Variants in HSD17B12 observed in about 807,000 individuals in gnomAD.
HSD17B12 encodes hydroxysteroid 17-beta dehydrogenase 12.
HSD17B12 carries 32 observed loss-of-function variants against 39.3 expected under a neutral mutation model. That is an observed-to-expected ratio of 0.81 (90% CI 0.61 to 1.09). The LOEUF is 1.09. HSD17B12 is among the 50% of genes least tolerant of loss of function. HSD17B12 has a pLI of 0.00. For synonymous variants in HSD17B12, 150 were observed against 146.7 expected, an observed-to-expected ratio of 1.02 and a Z score of -0.16; for missense variants, 342 against 382.9, an observed-to-expected ratio of 0.89 and a Z score of 0.89.
At chr11:43,600,761 G>A in the HSD17B12 span, among the ~76,000 whole-genome samples, 1 of 151,780 alleles carries the variant, frequency 6.6e-6, no homozygotes, top group Admixed American at 6.6e-5. Flanking sequence ...GTACCTCATA[G>A]AGTTATTGGA....
intron 1 of HSD17B12, 157 bp downstream of exon 1, chr11:43,681,144 G>C: frequency 1.4e-6 from 2 of 1,416,030 alleles, no homozygotes; most frequent in Non-Finnish European, 1.8e-6. Context: ...GGCTCCCTTG[G>C]CTGTCTTCTG....
At chr11:43,693,547 A>T (rs997856824) in intron 1 of HSD17B12, among the ~76,000 whole-genome samples, 3 of 152,178 alleles carry the variant, frequency 2.0e-5, no homozygotes, top group Non-Finnish European at 4.4e-5. Context: ...AAGTTAGTTG[A>T]TCCAATATCT....
the HSD17B12 span, among the ~76,000 whole-genome samples, chr11:43,603,300 T>C: frequency 6.6e-6 from 1 of 152,198 alleles, no homozygotes; most frequent in East Asian, 1.9e-4. Flanking sequence ...AAATCTTAGT[T>C]TGGTGAATTT....
intron 3 of HSD17B12, among the ~76,000 whole-genome samples, chr11:43,755,828 G>A (rs536773850): frequency 3.7e-4 from 56 of 152,208 alleles, no homozygotes; most frequent in South Asian, 8.3e-4. Flanking sequence ...GAGTGTATTC[G>A]TCTGTTTTTC....
chr11:43,577,269 G>C, the HSD17B12 span, among the ~76,000 whole-genome samples: 1 of 152,264 alleles, frequency 6.6e-6, no homozygotes, highest in Non-Finnish European at 1.5e-5. Context: ...GCAGGAGAGG[G>C]ATACGGGGAC....
chr11:43,564,101 C>G, the HSD17B12 span, among the ~76,000 whole-genome samples: 1 of 152,092 alleles, frequency 6.6e-6, no homozygotes, highest in Non-Finnish European at 1.5e-5. Flanking sequence ...CCTGCCTTGG[C>G]CTCCCAAAGT....
the HSD17B12 span, among the ~76,000 whole-genome samples, chr11:43,607,535 C>G: frequency 3.9e-5 from 6 of 152,156 alleles, no homozygotes; most frequent in African/African-American, 1.4e-4. Flanking sequence ...GTGCCAAATA[C>G]TGGTCCAAAT....
chr11:43,650,912 ATTAG>A, the HSD17B12 span, among the ~76,000 whole-genome samples: 1 of 152,214 alleles, frequency 6.6e-6, no homozygotes, highest in Non-Finnish European at 1.5e-5. Flanking sequence ...ACACTTGTCC[ATTAG>A]TTACTTAGTA....
intron 1 of HSD17B12, among the ~76,000 whole-genome samples, chr11:43,697,083 A>G (rs1209129577): frequency 6.6e-6 from 1 of 152,150 alleles, no homozygotes; most frequent in Non-Finnish European, 1.5e-5. Flanking sequence ...TAAAACCTAG[A>G]TGATGTGTTG....
intron 3 of HSD17B12, among the ~76,000 whole-genome samples, chr11:43,768,801 C>G (rs1590283439): frequency 6.6e-6 from 1 of 152,188 alleles, no homozygotes; most frequent in Non-Finnish European, 1.5e-5. Flanking sequence ...AGTTTTTATT[C>G]TCTTATTTGG....
intron 1 of HSD17B12, among the ~76,000 whole-genome samples, chr11:43,704,238 T>C (rs567183284): frequency 3.3e-5 from 5 of 152,332 alleles, no homozygotes; most frequent in African/African-American, 1.2e-4. Flanking sequence ...ATTTTAAAAA[T>C]ATAGTAGATT....
the HSD17B12 span, among the ~76,000 whole-genome samples, chr11:43,635,750 T>C: frequency 1.6e-4 from 25 of 152,136 alleles, no homozygotes; most frequent in Admixed American, 1.2e-3. Context: ...ATGATTTGAT[T>C]TGAATGATCT....
At chr11:43,743,154 A>G (rs1425741494) in intron 1 of HSD17B12, among the ~76,000 whole-genome samples, 1 of 152,180 alleles carries the variant, frequency 6.6e-6, no homozygotes, top group East Asian at 1.9e-4. Context: ...AATCTTTCTA[A>G]GTATGTTTAG....
the HSD17B12 span, among the ~76,000 whole-genome samples, chr11:43,619,242 T>A: frequency 0.014 from 460 of 31,926 alleles, 5 homozygotes; most frequent in African/African-American, 0.031. Flanking sequence ...TATATATATA[T>A]AAAATATATA....
chr11:43,574,622 C>T, the HSD17B12 span, among the ~76,000 whole-genome samples: 1 of 152,124 alleles, frequency 6.6e-6, no homozygotes, highest in East Asian at 1.9e-4. Context: ...GATTCAGACA[C>T]ACCCCACACA....
At chr11:43,562,481 G>A in the HSD17B12 span, among the ~76,000 whole-genome samples, 5 of 152,328 alleles carry the variant, frequency 3.3e-5, no homozygotes, top group East Asian at 3.9e-4. Context: ...TTATTGTGAC[G>A]ATTCATTGAG....
At chr11:43,757,917 A>G (rs1337509413) in intron 3 of HSD17B12, among the ~76,000 whole-genome samples, 1 of 152,092 alleles carries the variant, frequency 6.6e-6, no homozygotes, top group African/African-American at 2.4e-5. Flanking sequence ...GCCTTACTGA[A>G]AGACCTATCC....
At chr11:43,557,869 G>GGC in the HSD17B12 span, among the ~76,000 whole-genome samples, 3 of 152,120 alleles carry the variant, frequency 2.0e-5, no homozygotes, top group African/African-American at 7.2e-5. Context: ...GCTGTAACGG[G>GGC]GGGGAGCCTG....
chr11:43,841,397 G>A (rs1358295661), intron 9 of HSD17B12, among the ~76,000 whole-genome samples: 1 of 152,154 alleles, frequency 6.6e-6, no homozygotes, highest in Non-Finnish European at 1.5e-5. Context: ...TAATTTTGAT[G>A]TAGTCCAGTT....
Sources: allele counts gnomAD v4.1 joint callset (sites outside exome capture counted in the v4.1 genomes callset), GRCh38; gene constraint gnomAD v4.1.1; transcripts MANE v1.5; gene names NCBI Gene and HGNC (gene_info 2026-07-23, HGNC 2026-07-21).